The following R3HDM1 variants were observed in gnomAD, a reference collection of about 807,000 sequenced individuals.
R3HDM1 encodes R3H domain containing 1, also known as R3H domain-containing protein 1.
In R3HDM1, 46 loss-of-function variants were observed where a neutral mutation model predicts 141.1. That is an observed-to-expected ratio of 0.33 (90% CI 0.26 to 0.42). The LOEUF is 0.42. R3HDM1 is among the 10% of genes least tolerant of loss of function. The pLI, the probability that R3HDM1 is intolerant of heterozygous loss-of-function variation, is 1.00. For synonymous variants in R3HDM1, 435 were observed against 472.9 expected (o/e 0.92, Z 1.04); for missense variants, 1,184 against 1,368.3 (o/e 0.87, Z 2.12).
intron 1 of R3HDM1, chr2:135,566,718 G>A (rs1702859720): frequency 1.0e-6 from 1 of 984,958 alleles, no homozygotes; most frequent in Non-Finnish European, 1.2e-6. Flanking sequence ...AGGTTTGTTA[G>A]TCGTTTGGAT....
intron 21 of R3HDM1, among the ~76,000 whole-genome samples, chr2:135,694,323 A>G (rs1472558532): frequency 2.0e-5 from 3 of 152,190 alleles, no homozygotes; most frequent in African/African-American, 7.2e-5. Context: ...TCCCTCTAGC[A>G]TATCCTGTGT....
chr2:135,532,939 C>G (rs1343922929), intron 1 of R3HDM1, among the ~76,000 whole-genome samples: 2 of 152,150 alleles, frequency 1.3e-5, no homozygotes, highest in African/African-American at 4.8e-5. Context: ...TAACTGTGAT[C>G]AGAGATAAAA....
chr2:135,631,640 A>G (rs2062728912), intron 7 of R3HDM1, 78 bp from the exon 8 acceptor site: 1 of 1,241,624 alleles, frequency 8.1e-7, no homozygotes, highest in Admixed American at 2.7e-5. Flanking sequence ...ATTTAGCTGT[A>G]TAAATCATAG....
chr2:135,605,266 C>T (rs2059948049), intron 3 of R3HDM1: 1 of 238,842 alleles, frequency 4.2e-6, no homozygotes, highest in Admixed American at 5.3e-5. Flanking sequence ...TTTCTCATTC[C>T]ACCCTTTTCC....
intron 23 of R3HDM1, among the ~76,000 whole-genome samples, chr2:135,714,372 C>G (rs2075961015): frequency 1.3e-5 from 2 of 152,106 alleles, no homozygotes; most frequent in Admixed American, 6.6e-5. Flanking sequence ...AATAACTGAT[C>G]TTCCAAAACA....
At chr2:135,589,562 T>TG (rs969948867) in intron 1 of R3HDM1, among the ~76,000 whole-genome samples, 4 of 152,110 alleles carry the variant, frequency 2.6e-5, no homozygotes, top group African/African-American at 9.7e-5. Context: ...ATTTATTTTT[T>TG]CCAAACCGAG....
At chr2:135,696,297 C>A (rs2073237300) in intron 21 of R3HDM1, among the ~76,000 whole-genome samples, 1 of 152,110 alleles carries the variant, frequency 6.6e-6, no homozygotes, top group African/African-American at 2.4e-5. Context: ...TGACAGCAGA[C>A]AGATCAGTGG....
chr2:135,663,655 G>C (rs1015840821), intron 19 of R3HDM1, among the ~76,000 whole-genome samples: 1 of 152,152 alleles, frequency 6.6e-6, no homozygotes, highest in African/African-American at 2.4e-5. Context: ...CATAGAATTA[G>C]TGGGGATTTG....
chr2:135,669,318 C>T, intron 19 of R3HDM1: 1 of 985,272 alleles, frequency 1.0e-6, no homozygotes, highest in African/African-American at 1.7e-5. Context: ...CATGTGGCTA[C>T]CATCTGAACT....
intron 5 of R3HDM1, among the ~76,000 whole-genome samples, chr2:135,618,892 C>A (rs1224630116): frequency 6.6e-6 from 1 of 151,984 alleles, no homozygotes; most frequent in Non-Finnish European, 1.5e-5. Context: ...TGGTGGCACA[C>A]GCCTGTAATC....
Position 135,686,357 on chromosome 2 carries a change from G to A in R3HDM1, c.2459+6033G>A, listed in dbSNP as rs545575774. The stretch of plus-strand genomic sequence containing the variant: ...GCAGAAGAATTGAAATCAGTATCTC[G>A]AAGAGAGATTTACATCTCCATATTC... On this transcript the variant is annotated intron_variant, in intron 21 of 26. Transcript: ENST00000683871. 4.6e-5 allele frequency among the ~76,000 whole-genome samples: 7 copies of A among 152,246 alleles called. No individual in the cohort carries two copies. In the East Asian group the frequency reaches 5.8e-4, roughly 13 times the overall value.
At chr2:135,706,344 T>TTAGTTTACA (rs1311841007) in intron 21 of R3HDM1, among the ~76,000 whole-genome samples, 5 of 152,034 alleles carry the variant, frequency 3.3e-5, no homozygotes, top group African/African-American at 1.2e-4. Context: ...ATTTTTTTTT[T>TTAGTTTACA]TAGTTTACAT....
chr2:135,577,307 C>A, intron 1 of R3HDM1: 2 of 777,016 alleles, frequency 2.6e-6, no homozygotes, highest in Non-Finnish European at 3.1e-6. Flanking sequence ...TCAACATATA[C>A]CTTAGCCAAA....
chr2:135,656,477 T>A (rs916225823), intron 18 of R3HDM1: 5 of 151,764 alleles, frequency 3.3e-5, no homozygotes, highest in Admixed American at 1.3e-4. Context: ...TTTTTTTTTT[T>A]ATAATATTGA....
In R3HDM1 at chr2:135,645,376, C is replaced by A. The variant is rs747498074; in HGVS notation, c.1475-3C>A. On this transcript the variant is annotated splice_polypyrimidine_tract_variant and splice_region_variant and intron_variant, in intron 15 of 26. Transcript: ENST00000683871. ...TTTTTTTCCCTCTTTTTGAATTTTTCAGGTCAGCCCTTCATAAACCCAGAT... is the reference window on the plus strand; with the variant it reads ...TTTTTTTCCCTCTTTTTGAATTTTTAAGGTCAGCCCTTCATAAACCCAGAT... 6.3e-7 allele frequency: 1 copy of A among 1,574,810 alleles called. No individual in the cohort carries two copies. Among genetic ancestry groups the A allele is most frequent in the Non-Finnish European group, 8.6e-7 (1 of 1,158,172 alleles).
At chr2:135,566,744 A>G in intron 1 of R3HDM1, 1 of 985,334 alleles carries the variant, frequency 1.0e-6, no homozygotes, top group South Asian at 4.7e-5. Flanking sequence ...TAGGGAAGGA[A>G]ATGATCAAAA....
chr2:135,582,057 T>C (rs1574051529), intron 1 of R3HDM1, among the ~76,000 whole-genome samples: 2 of 152,202 alleles, frequency 1.3e-5, no homozygotes, highest in Non-Finnish European at 2.9e-5. Flanking sequence ...TCCATCTTGC[T>C]GGGCTCACAC....
chr2:135,600,097 C>G (rs368243270), intron 1 of R3HDM1, among the ~76,000 whole-genome samples: 1 of 137,882 alleles, frequency 7.3e-6, no homozygotes, highest in South Asian at 2.3e-4. Context: ...ATACAAAGTT[C>G]GTATGATTTT....
chr2:135,692,008 G>A (rs759810329), intron 21 of R3HDM1, among the ~76,000 whole-genome samples: 21 of 151,760 alleles, frequency 1.4e-4, no homozygotes, highest in South Asian at 2.1e-4. Context: ...TGCCCTCCAG[G>A]TTCAAGCAAT....
Sources: gnomAD v4.1 joint callset for allele counts (sites outside exome capture counted in the v4.1 genomes callset) on GRCh38, gnomAD v4.1.1 for gene constraint, MANE v1.5 for transcripts, NCBI Gene and HGNC (gene_info 2026-07-23, HGNC 2026-07-21) for gene names.